Variants in TCF20 observed in about 807,000 individuals in gnomAD.
TCF20 encodes the protein transcription factor 20.
Under a neutral mutation model 148.6 loss-of-function variants are expected in TCF20, and 3 were observed. The observed-to-expected ratio is 0.02, with a 90% CI of 0.01 to 0.05. TCF20 has a LOEUF of 0.05. Among genes scored for constraint, TCF20 ranks in the 10% least tolerant of loss-of-function variants. TCF20 has a pLI of 1.00. For synonymous variants in TCF20, 1,049 were observed against 909.5 expected (o/e 1.15, Z -2.76); for missense variants, 2,350 against 2,429.3 (o/e 0.97, Z 0.69).
intron 1 of TCF20, among the ~76,000 whole-genome samples, chr22:42,277,518 A>G (rs1926806184): frequency 6.6e-6 from 1 of 152,192 alleles, no homozygotes; most frequent in African/African-American, 2.4e-5. Context: ...AAGTTGGAGG[A>G]GAGCTCCAGG....
intron 1 of TCF20, among the ~76,000 whole-genome samples, chr22:42,306,397 T>TG (rs1282819477): frequency 6.6e-6 from 1 of 152,036 alleles, no homozygotes; most frequent in African/African-American, 2.4e-5. Context: ...GCAATGTGGG[T>TG]GGGGGGTGCT....
At chr22:42,283,930 A>G (rs1601692516) in exon 1 of TCF20, among the ~76,000 whole-genome samples, 2 of 151,980 alleles carry the variant, frequency 1.3e-5, no homozygotes, top group South Asian at 4.2e-4. Flanking sequence ...GGAGGAGGGG[A>G]AAGGGAAAAA....
chr22:42,207,108 G>A (rs1938436755), intron 2 of TCF20, among the ~76,000 whole-genome samples: 1 of 152,082 alleles, frequency 6.6e-6, no homozygotes, highest in African/African-American at 2.4e-5. Context: ...TGCAACATGG[G>A]GCTGAAAAAT....
rs921956448 is a variant in TCF20 at position 42,297,918 on chromosome 22, T to C, written c.-37+45561A>G. Among the ~76,000 whole-genome samples the C allele has an allele frequency of 1.3e-5, 2 of 152,158 alleles. No homozygotes were observed. The highest frequency in any genetic ancestry group is 6.5e-5 in the Admixed American group (1 of 15,278). On this transcript the variant is annotated intron_variant, in intron 1 of 1. Transcript: ENST00000515426. The surrounding 1 kb of genome is among the most constrained non-coding windows in gnomAD (Gnocchi z 4.3). ...CATGCAGAGCAGGCAAGGATGAACA[T>C]GTGCTGGTTTCAGGGCTGGGCCTGG...
chr22:42,341,730 G>T (rs1326969858), intron 1 of TCF20, among the ~76,000 whole-genome samples: 2 of 125,474 alleles, frequency 1.6e-5, no homozygotes, highest in Non-Finnish European at 3.2e-5. Flanking sequence ...GGACCCTGGG[G>T]ACACACCAAC....
In TCF20 at chr22:42,210,953, T is replaced by C. The variant is rs1920944571; in HGVS notation, c.4353A>G (p.Ala1451=). ...GTTCCTTTCCGGCAGTAACTGTTTC[T>C]GCATGTGTCTCTGTCTTCACTTTGT... ...VDDKVKTETH[A]ETVTAGKEPP... is the part of the protein sequence containing the mutation. Residue 1451 remains alanine, a synonymous_variant, in exon 2 of 6, where the codon GCA becomes GCG. Transcript: ENST00000677622. This position sits in a 1 kb window ranked among gnomAD's most constrained non-coding sequence, Gnocchi z 4.7. The C allele has an allele frequency of 6.2e-7, 1 of 1,614,184 alleles. No homozygotes were observed. Among genetic ancestry groups the C allele is most frequent in the Non-Finnish European group, 8.5e-7 (1 of 1,180,034 alleles).
At chr22:42,325,599 G>A (rs1415139668) in intron 1 of TCF20, among the ~76,000 whole-genome samples, 1 of 152,136 alleles carries the variant, frequency 6.6e-6, no homozygotes, top group African/African-American at 2.4e-5. Flanking sequence ...TGAGCCCTTC[G>A]GCCTGGGCAT....
intron 1 of TCF20, among the ~76,000 whole-genome samples, chr22:42,254,774 C>G (rs192971601): frequency 2.4e-4 from 37 of 152,118 alleles, no homozygotes; most frequent in Admixed American, 2.3e-3. Context: ...AGAATATCTT[C>G]ACCAACACAG....
intron 1 of TCF20, among the ~76,000 whole-genome samples, chr22:42,243,028 C>T (rs1464343817): frequency 6.6e-6 from 1 of 151,710 alleles, no homozygotes; most frequent in African/African-American, 2.4e-5. Context: ...TCAATGATTA[C>T]CAAGGATCCA....
At chr22:42,288,063 T>C (rs112047852), upstream of TCF20, among the ~76,000 whole-genome samples, 1 of 152,102 alleles carries the variant, frequency 6.6e-6, no homozygotes, top group African/African-American at 2.4e-5. Flanking sequence ...GAAAGCCCTC[T>C]TGAGCTCCCA....
Position 42,209,771 on chromosome 22 carries a change from T to C in TCF20, c.5535A>G (p.Leu1845=), listed in dbSNP as rs2147193791. 1 of 1,613,938 alleles carries C rather than the reference T, an allele frequency of 6.2e-7. No homozygotes were observed. The highest frequency in any genetic ancestry group is 8.5e-7 in the Non-Finnish European group (1 of 1,179,990). ...GPELELQIPE[L]PLDSNEFWVH... Reference sequence around the variant, plus strand: ...CCCAAAATTCATTGCTGTCAAGAGGTAGTTCAGGGATTTGTAACTCCAGCT... The same window carrying C: ...CCCAAAATTCATTGCTGTCAAGAGGCAGTTCAGGGATTTGTAACTCCAGCT... Residue 1845 remains leucine (L), a synonymous_variant, in exon 2 of 6, where the codon CTA becomes CTG. Coordinates refer to ENST00000677622, the MANE Select transcript of TCF20 (RefSeq NM_001378418.1).
At chr22:42,232,707 T>A (rs1017444413) in intron 1 of TCF20, among the ~76,000 whole-genome samples, 7 of 150,982 alleles carry the variant, frequency 4.6e-5, no homozygotes, top group Non-Finnish European at 7.4e-5. Context: ...GGCGGGCACC[T>A]GTGGTCCCAG....
intron 1 of TCF20, among the ~76,000 whole-genome samples, chr22:42,294,832 C>A (rs1024432124): frequency 6.6e-6 from 1 of 152,220 alleles, no homozygotes; most frequent in African/African-American, 2.4e-5. Flanking sequence ...GAGTGCCTGG[C>A]AGCCTGCAGA....
At chr22:42,339,154 G>A (rs1928120192) in intron 1 of TCF20, among the ~76,000 whole-genome samples, 1 of 152,178 alleles carries the variant, frequency 6.6e-6, no homozygotes, top group Non-Finnish European at 1.5e-5. Flanking sequence ...AGGGGCAGTC[G>A]CTGCACCCAA....
At chr22:42,180,505 A>C (rs1243716796) in intron 2 of TCF20, among the ~76,000 whole-genome samples, 3 of 152,210 alleles carry the variant, frequency 2.0e-5, no homozygotes, top group African/African-American at 7.2e-5. Flanking sequence ...CATAAAACTC[A>C]ACCACATGTG....
At chr22:42,172,962 C>A (rs986889018) in intron 3 of TCF20, among the ~76,000 whole-genome samples, 3 of 152,116 alleles carry the variant, frequency 2.0e-5, no homozygotes, top group East Asian at 3.9e-4. Context: ...AGACGGCTGT[C>A]CCCCGGGGAG....
At chr22:42,293,737 C>G (rs568145432) in intron 1 of TCF20, among the ~76,000 whole-genome samples, 1 of 152,364 alleles carries the variant, frequency 6.6e-6, no homozygotes, top group South Asian at 2.1e-4. Context: ...CGCGGTGGCT[C>G]AGGCCTGTAA....
chr22:42,169,515 G>A (rs1050314969), intron 4 of TCF20, among the ~76,000 whole-genome samples: 4 of 152,214 alleles, frequency 2.6e-5, no homozygotes, highest in African/African-American at 9.6e-5. Context: ...ACGCCAACCT[G>A]TGAATTGGGG....
chr22:42,298,570 G>A (rs919922258), intron 1 of TCF20, among the ~76,000 whole-genome samples: 2 of 152,170 alleles, frequency 1.3e-5, no homozygotes, highest in South Asian at 2.1e-4. Context: ...GTCAAGTCTC[G>A]GCACTTCCCT....
Sources: allele counts gnomAD v4.1 joint callset (sites outside exome capture counted in the v4.1 genomes callset), GRCh38; gene constraint gnomAD v4.1.1; non-coding constraint Gnocchi (gnomAD v3.1); transcripts MANE v1.5; gene names NCBI Gene and HGNC (gene_info 2026-07-23, HGNC 2026-07-21).